CTSZ: variants seen among roughly 807,000 people sequenced by gnomAD.
CTSZ encodes carboxypeptidase LB.
In CTSZ, 39 loss-of-function variants were observed where a neutral mutation model predicts 32.4. The ratio of observed to expected loss-of-function variants is 1.20; its 90% CI spans 0.93 to 1.57. The LOEUF (loss-of-function observed/expected upper bound fraction) is 1.57. CTSZ is among the 40% of genes most tolerant of loss of function. The probability of loss-of-function intolerance (pLI) is 0.00; values close to 1 mark genes in which losing one functional copy is unlikely to be tolerated. For synonymous variants in CTSZ, 168 were observed against 170.1 expected (o/e 0.99, Z 0.10); for missense variants, 397 against 419.6 (o/e 0.95, Z 0.47).
intron 4 of CTSZ, chr20:58,997,379 A>G (rs767660240): frequency 2.8e-5 from 11 of 399,334 alleles, no homozygotes; most frequent in Admixed American, 4.4e-5. Context: ...TAACTCTGAG[A>G]AAACTGAAGT....
chr20:58,997,658 A>AG lies in CTSZ; in HGVS notation c.582dup (p.Ser195LeufsTer30). On this transcript the variant is annotated frameshift_variant, in exon 4 of 6. Coordinates refer to ENST00000217131, the MANE Select transcript of CTSZ (RefSeq NM_001336.4). LOFTEE classifies it high-confidence loss of function. ...ATCATCTTCTCCCTCCCAGAGAGGG[A>AG]GCCGTAGTCTCCCACCCTCCAGAGG... 6.2e-7 allele frequency: 1 copy of AG among 1,609,434 alleles called. No individual in the cohort carries two copies. Among genetic ancestry groups the AG allele is most frequent in the Non-Finnish European group, 8.5e-7 (1 of 1,177,974 alleles).
chr20:59,003,270 G>T (rs1372376731), intron 2 of CTSZ, among the ~76,000 whole-genome samples: 1 of 152,218 alleles, frequency 6.6e-6, no homozygotes, highest in Non-Finnish European at 1.5e-5. Flanking sequence ...TGGATGAGCA[G>T]TTTCGGTTCT....
At chr20:58,997,363 G>A in intron 4 of CTSZ, 1 of 369,484 alleles carries the variant, frequency 2.7e-6, no homozygotes, top group Non-Finnish European at 4.8e-6. Context: ...GCTATCAGCT[G>A]AGTGTTAACT....
rs3787490 is a variant in CTSZ, at chr20:59,002,132, A to G, written c.308-488T>C. On this transcript the variant is annotated intron_variant, in intron 2 of 5. Transcript: ENST00000217131. This position sits in a 1 kb window ranked among gnomAD's most constrained non-coding sequence, Gnocchi z 4.1. ...CGCATGAGCCCCAGTGAGGGGCCAG[A>G]TGCGGTCCTGAGGGCTGGGGAAGGC... Among the ~76,000 whole-genome samples the G allele has an allele frequency of 0.19, 28,837 of 152,248 alleles. 3,210 individuals are homozygous for G. The highest frequency in any genetic ancestry group is 0.3 in the African/African-American group (12,572 of 41,532).
intron 2 of CTSZ, 198 bp downstream of exon 2, chr20:59,006,124 C>T (rs1182305021): frequency 1.6e-6 from 1 of 636,484 alleles, no homozygotes. Context: ...TGCCTGTCAC[C>T]CAAAAGCCCC....
rs148092871 is a variant in CTSZ, at chr20:58,998,546, C to CAAAAA, written c.488-798_488-794dup. ...GAGCGACAAGAGCGAGACTCCGTCT[C>CAAAAA]AAAAAAAAAGAAAGAAAGAAAGAAA... is the stretch of plus-strand genomic sequence containing the variant. On this transcript the variant is annotated intron_variant, in intron 3 of 5. Transcript: ENST00000217131. Among the ~76,000 whole-genome samples, 200 of 129,118 alleles carry CAAAAA rather than the reference C, an allele frequency of 1.5e-3. 2 individuals are homozygous for CAAAAA. The highest frequency in any genetic ancestry group is 4.9e-3 in the African/African-American group (165 of 33,408). The allele number at this position is 129,118 out of a possible 152,430, so 84.7% of individuals were successfully genotyped here.
At position 59,001,448 on chromosome 20, in the gene CTSZ, C is replaced by A; in HGVS notation, c.487+17G>T. 6.3e-7 allele frequency: 1 copy of A among 1,595,574 alleles called. No homozygotes were observed. Among genetic ancestry groups the A allele is most frequent in the Non-Finnish European group, 8.6e-7 (1 of 1,166,902 alleles). The stretch of plus-strand genomic sequence containing the variant: ...GGAGGGCAGGAGGGTGGAGTGGGGG[C>A]ACGGGCAGCAGCCTACCCTGGTCCT... On this transcript the variant is annotated intron_variant, in intron 3 of 5. Transcript: ENST00000217131.
At chr20:59,006,912 G>A (rs2146367355) in intron 1 of CTSZ, 74 bp downstream of exon 1, 1 of 1,262,532 alleles carries the variant, frequency 7.9e-7, no homozygotes, top group South Asian at 1.9e-5. Context: ...AGGGCCCCCA[G>A]GAGGCAGAGC....
chr20:59,007,217 C>T lies in CTSZ; in HGVS notation c.-89G>A. 8.3e-7 allele frequency: 1 copy of T among 1,198,646 alleles called. No homozygotes were observed. Among genetic ancestry groups the T allele is most frequent in the Non-Finnish European group, 1.0e-6 (1 of 972,716 alleles). 74.3% of individuals were successfully genotyped at this position (1,198,646 alleles called of 1,614,324 possible). A position where few individuals can be genotyped will look rare whatever the true frequency, so the allele number is the denominator to read the frequency against. On this transcript the variant is annotated 5_prime_UTR_variant, in exon 1 of 6. Coordinates refer to ENST00000217131, the MANE Select transcript of CTSZ (RefSeq NM_001336.4). ...CTCCCGCTCTGGATCCCGCCCCGGC[C>T]TCGGCCTCGGCCCAGCACCCGGCCG...
chr20:59,000,879 G>C (rs538220256), intron 3 of CTSZ, among the ~76,000 whole-genome samples: 1 of 147,894 alleles, frequency 6.8e-6, no homozygotes, highest in Admixed American at 6.8e-5. Context: ...ACCCAGGCTA[G>C]AGTGCAGTGG....
intron 4 of CTSZ, 155 bp downstream of exon 4, chr20:58,997,448 A>G: frequency 1.6e-6 from 1 of 614,650 alleles, no homozygotes; most frequent in Non-Finnish European, 2.5e-6. Flanking sequence ...GGCCAGAAGG[A>G]AAGTGGCGAA....
rs570690550 is a variant in CTSZ, at chr20:59,002,071, G to T, written c.308-427C>A. 2.0e-5 allele frequency among the ~76,000 whole-genome samples: 3 copies of T among 152,392 alleles called. No homozygotes were observed. In the South Asian group the frequency reaches 6.2e-4, roughly 32 times the overall value. On this transcript the variant is annotated intron_variant, in intron 2 of 5. Coordinates refer to ENST00000217131, the MANE Select transcript of CTSZ (RefSeq NM_001336.4). The surrounding 1 kb of genome is among the most constrained non-coding windows in gnomAD (Gnocchi z 4.1). The stretch of plus-strand genomic sequence containing the variant: ...CCTGCCCTCGTGGACAGGGGGCCAA[G>T]GTGTCAGCTCTGTGAACGAGTATAG...
chr20:59,007,041 C>T lies in CTSZ; in HGVS notation c.88G>A (p.Gly30Arg). 2 of 1,472,282 alleles carry T rather than the reference C, an allele frequency of 1.4e-6. No individual in the cohort carries two copies. Among genetic ancestry groups the T allele is most frequent in the Non-Finnish European group, 1.8e-6 (2 of 1,118,754 alleles). The allele number at this position is 1,472,282 out of a possible 1,614,324, so 91.2% of individuals were successfully genotyped here. A position where few individuals can be genotyped will look rare whatever the true frequency, so the allele number is the denominator to read the frequency against. The change falls in exon 1 of 6, where the codon GGA becomes AGA. Residue 30 changes from glycine to arginine, a missense_variant. Coordinates refer to ENST00000217131, the MANE Select transcript of CTSZ (RefSeq NM_001336.4). Reference protein sequence around the residue: ...AAQGGLYFRRGQTCYRPLRGD... With the variant: ...AAQGGLYFRRRQTCYRPLRGD... ...CGCAGAGGCCGGTAGCAGGTCTGTC[C>T]CCGGCGGAAGTAGAGGCCGCCCTGC...
intron 3 of CTSZ, among the ~76,000 whole-genome samples, chr20:59,000,238 C>T (rs769971902): frequency 1.2e-4 from 18 of 151,906 alleles, no homozygotes; most frequent in South Asian, 2.1e-4. Context: ...AGTAGCTGGG[C>T]GTGGTGGCGC....
At chr20:59,001,383 GGCTGGGTCCTCAGCCACGA>G in intron 3 of CTSZ, 63 bp downstream of exon 3, 1 of 1,462,638 alleles carries the variant, frequency 6.8e-7, no homozygotes, top group South Asian at 1.3e-5. Flanking sequence ...CACGGGGTCA[GGCTGGGTCCTCAGCCACGA>G]AGGCCTGTGG....
chr20:59,005,640 C>A (rs946431393), intron 2 of CTSZ, among the ~76,000 whole-genome samples: 1 of 152,214 alleles, frequency 6.6e-6, no homozygotes, highest in Non-Finnish European at 1.5e-5. Flanking sequence ...GTCCCATCTC[C>A]AGGGGAAATC....
rs1466055475 is a variant in CTSZ at position 59,001,586 on chromosome 20, G to A, written c.366C>T (p.Asn122=). ...AGCCAGCGTTACCGCAGTCGATGAC[G>A]TTCTGCACGGACAGGAGGGTGGAGG... ...AWPSTLLSVQ[N]VIDCGNAGSC... is the part of the protein sequence containing the mutation. The change falls in exon 3 of 6, where the codon AAC becomes AAT. Residue 122 remains asparagine, a synonymous_variant. Transcript: ENST00000217131. 2.5e-6 allele frequency: 4 copies of A among 1,614,240 alleles called. No homozygotes were observed. The highest frequency in any genetic ancestry group is 2.2e-5 in the East Asian group (1 of 44,886).
chr20:58,997,346 C>A, intron 4 of CTSZ: 1 of 341,450 alleles, frequency 2.9e-6, no homozygotes, highest in Non-Finnish European at 5.3e-6. Flanking sequence ...TCCATAGGGG[C>A]AGACTTGCTA....
rs368934903 is a variant in CTSZ, at chr20:59,002,799, G to A, written c.308-1155C>T. 3.3e-5 allele frequency among the ~76,000 whole-genome samples: 5 copies of A among 151,972 alleles called. No homozygotes were observed. The highest frequency in any genetic ancestry group is 7.4e-5 in the Non-Finnish European group (5 of 67,954). On this transcript the variant is annotated intron_variant, in intron 2 of 5. Transcript: ENST00000217131. This position sits in a 1 kb window ranked among gnomAD's most constrained non-coding sequence, Gnocchi z 4.1. ...CTGGTTTGTCCCCTCCCACCTGACC[G>A]ACCCACCCTAGGTTCCATCCTGTTT...
Sources: gnomAD v4.1 joint callset for allele counts (sites outside exome capture counted in the v4.1 genomes callset) on GRCh38, gnomAD v4.1.1 for gene constraint, Gnocchi (gnomAD v3.1) non-coding constraint, MANE v1.5 for transcripts, NCBI Gene and HGNC (gene_info 2026-07-23, HGNC 2026-07-21) for gene names.